Variants in S100A2 observed in about 807,000 individuals in gnomAD.
S100A2 encodes the protein S100 calcium binding protein A2.
S100A2 carries 5 observed loss-of-function variants against 4.3 expected under a neutral mutation model. That is an observed-to-expected ratio of 1.16 (90% CI 0.61 to 2.44). The LOEUF (loss-of-function observed/expected upper bound fraction) is 2.44. Ranked by LOEUF, S100A2 falls within the 30% of genes most tolerant of loss-of-function variation. S100A2 has a pLI of 0.01. For synonymous variants in S100A2, 44 were observed against 46.0 expected (o/e 0.96, Z 0.17); for missense variants, 103 against 114.7 (o/e 0.90, Z 0.47).
chr1:153,563,407 G>A, intron 2 of S100A2: 2 of 1,545,302 alleles, frequency 1.3e-6, no homozygotes, highest in Non-Finnish European at 1.7e-6. Flanking sequence ...GAGAGAGAGA[G>A]AACGTGCCAG....
At chr1:153,564,110 G>T in intron 1 of S100A2, 1 of 485,732 alleles carries the variant, frequency 2.1e-6, no homozygotes, top group Non-Finnish European at 3.6e-6. Context: ...CTTGTGTCTG[G>T]GAGTCACCAA....
At chr1:153,564,839 G>C (rs1665972113) in intron 1 of S100A2, among the ~76,000 whole-genome samples, 1 of 31,980 alleles carries the variant, frequency 3.1e-5, no homozygotes, top group Non-Finnish European at 6.3e-5. Context: ...AGTCCTGCTA[G>C]AATCCAGGAC....
chr1:153,561,851 A>C (rs1214996906), intron 2 of S100A2, among the ~76,000 whole-genome samples: 1 of 152,240 alleles, frequency 6.6e-6, no homozygotes, highest in Non-Finnish European at 1.5e-5. Flanking sequence ...CTGAGCATGC[A>C]TCAGCTCGAA....
At position 153,563,563 on chromosome 1, in the gene S100A2, AC is replaced by A. The variant is rs1557899380; in HGVS notation, c.144+170del. 7.7e-6 allele frequency: 12 copies of A among 1,551,002 alleles called. No individual in the cohort carries two copies. In the South Asian group the frequency reaches 1.4e-4, roughly 18 times the overall value. ...TGCAGGAAACAGCCATTAATTAAGCACTCCCACTCGGGCCTCATTTCCACTC... is the reference window on the plus strand; with the variant it reads ...TGCAGGAAACAGCCATTAATTAAGCATCCCACTCGGGCCTCATTTCCACTC... On this transcript the variant is annotated intron_variant, in intron 2 of 2. Coordinates refer to ENST00000368708, the MANE Select transcript of S100A2 (RefSeq NM_005978.4).
chr1:153,562,286 G>A (rs527323938), intron 2 of S100A2, among the ~76,000 whole-genome samples: 80 of 152,058 alleles, frequency 5.3e-4, no homozygotes, highest in Middle Eastern at 3.4e-3. Context: ...GACTACAAGC[G>A]TATGCCACCA....
rs368266659 is a variant in S100A2 at position 153,562,909 on chromosome 1, G to C, written c.144+825C>G. Among the ~76,000 whole-genome samples, 9 of 148,566 alleles carry C rather than the reference G, an allele frequency of 6.1e-5. No individual in the cohort carries two copies. The East Asian group carries it at 1.4e-3, about 23-fold the overall frequency. ...GAGGATTGCTTGAGCCCAGGAGTTCGAGATTACAGTGAGCTATGATCCAGC... is the reference window on the plus strand; with the variant it reads ...GAGGATTGCTTGAGCCCAGGAGTTCCAGATTACAGTGAGCTATGATCCAGC... On this transcript the variant is annotated intron_variant, in intron 2 of 2. Transcript: ENST00000368708.
intron 2 of S100A2, chr1:153,563,368 A>G: frequency 6.6e-7 from 1 of 1,510,610 alleles, no homozygotes; most frequent in Non-Finnish European, 8.9e-7. Flanking sequence ...GGGAAACTCC[A>G]TCTCAAAAAA....
chr1:153,564,190 G>A (rs183165128), intron 1 of S100A2: 1 of 283,262 alleles, frequency 3.5e-6, no homozygotes, highest in African/African-American at 2.2e-5. Context: ...TGCCAGAAGG[G>A]AAATGACAGG....
intron 2 of S100A2, among the ~76,000 whole-genome samples, chr1:153,562,920 G>A (rs1335596007): frequency 1.4e-5 from 2 of 147,618 alleles, no homozygotes; most frequent in Admixed American, 6.9e-5. Flanking sequence ...AGATTACAGT[G>A]AGCTATGATC....
chr1:153,563,613 G>A, intron 2 of S100A2, 121 bp downstream of exon 2: 2 of 1,565,782 alleles, frequency 1.3e-6, no homozygotes, highest in Non-Finnish European at 1.7e-6. Flanking sequence ...AAGCTAAAGT[G>A]GGGAGGGGGC....
chr1:153,563,447 C>G, intron 2 of S100A2: 1 of 1,550,478 alleles, frequency 6.4e-7, no homozygotes, highest in Non-Finnish European at 8.7e-7. Context: ...AATCACTTTT[C>G]CCTTCTGGGC....
rs752904554 is a variant in S100A2, at chr1:153,561,445, T to A, written c.291A>T (p.Arg97=). The change falls in exon 3 of 3, where the codon CGA becomes CGT. Residue 97 remains arginine, a synonymous_variant. Transcript: ENST00000368708. ...GGAAGTCAAGAGTTCTGCTTCAGGGTCGGTCTGGGCAGCCCTGGAAGAAGT... is the reference window on the plus strand; with the variant it reads ...GGAAGTCAAGAGTTCTGCTTCAGGGACGGTCTGGGCAGCCCTGGAAGAAGT... ...CNDFFQGCPD[R]P 2 of 1,611,958 alleles carry A rather than the reference T, an allele frequency of 1.2e-6. No homozygotes were observed. The highest frequency in any genetic ancestry group is 2.2e-5 in the South Asian group (2 of 91,014).
chr1:153,563,155 C>T (rs573875501), intron 2 of S100A2, among the ~76,000 whole-genome samples: 27 of 151,704 alleles, frequency 1.8e-4, no homozygotes, highest in African/African-American at 6.3e-4. Flanking sequence ...AGGTAGATCA[C>T]GAGGTCAGGA....
Position 153,561,353 on chromosome 1 carries a change from CAAAAA to C in S100A2, c.*81_*85del. ...GAGCAATTAAAATATTATCAACAGA[CAAAAA>C]AAGTTTATTGAATACAAAACTCAAA... is the stretch of plus-strand genomic sequence containing the variant. On this transcript the variant is annotated 3_prime_UTR_variant, in exon 3 of 3. Coordinates refer to ENST00000368708, the MANE Select transcript of S100A2 (RefSeq NM_005978.4). The C allele has an allele frequency of 5.4e-6, 8 of 1,486,568 alleles. No homozygotes were observed. Among genetic ancestry groups the C allele is most frequent in the Non-Finnish European group, 7.3e-6 (8 of 1,095,556 alleles). 92.1% of individuals were successfully genotyped at this position (1,486,568 alleles called of 1,614,324 possible).
At chr1:153,563,563 A>C (rs551451684) in intron 2 of S100A2, 171 bp downstream of exon 2, 138 of 1,551,002 alleles carry the variant, frequency 8.9e-5, no homozygotes, top group Non-Finnish European at 1.2e-4. Context: ...TTAATTAAGC[A>C]CTCCCACTCG....
chr1:153,564,762 G>T (rs1178852563), intron 1 of S100A2, among the ~76,000 whole-genome samples: 1 of 146,740 alleles, frequency 6.8e-6, no homozygotes. Context: ...CCGAGGCAGG[G>T]GGCAGAGCTT....
rs1665890353 is a variant in S100A2 at position 153,561,371 on chromosome 1, T to A, written c.*68A>T. 2 of 1,537,618 alleles carry A rather than the reference T, an allele frequency of 1.3e-6. No individual in the cohort carries two copies. Among genetic ancestry groups the A allele is most frequent in the Admixed American group, 2.1e-5 (1 of 48,394 alleles). ...CAACAGACAAAAAAAGTTTATTGAATACAAAACTCAAAGGCATCAACAGTC... is the reference window on the plus strand; with the variant it reads ...CAACAGACAAAAAAAGTTTATTGAAAACAAAACTCAAAGGCATCAACAGTC... On this transcript the variant is annotated 3_prime_UTR_variant, in exon 3 of 3. Transcript: ENST00000368708.
intron 2 of S100A2, 106 bp downstream of exon 2, chr1:153,563,628 C>T: frequency 6.4e-7 from 1 of 1,572,992 alleles, no homozygotes; most frequent in Non-Finnish European, 8.6e-7. Context: ...GGGGGCTGGG[C>T]CCCACCCTGG....
intron 1 of S100A2, among the ~76,000 whole-genome samples, 181 bp downstream of exon 1, chr1:153,565,311 CAAAAAAAAAAAAAA>C (rs57778287): frequency 1.2e-3 from 57 of 46,762 alleles, no homozygotes; most frequent in African/African-American, 4.1e-3. Context: ...GACTCCATCT[CAAAAAAAAAAAAAA>C]AAAAAAAAAA....
Sources: allele counts gnomAD v4.1 joint callset (sites outside exome capture counted in the v4.1 genomes callset), GRCh38; gene constraint gnomAD v4.1.1; transcripts MANE v1.5; gene names NCBI Gene and HGNC (gene_info 2026-07-23, HGNC 2026-07-21).